IFT57: variants seen among roughly 807,000 people sequenced by gnomAD.
The protein encoded by IFT57 is intraflagellar transport 57.
A neutral mutation model predicts 56.8 loss-of-function variants in IFT57; 59 were observed. The observed-to-expected ratio is 1.04, with a 90% CI of 0.84 to 1.29. The LOEUF (loss-of-function observed/expected upper bound fraction) is 1.29. Ranked by LOEUF, IFT57 falls within the 50% of genes most tolerant of loss-of-function variation. The pLI is 0.00. For missense variants in IFT57, 470 were observed against 522.1 expected, an observed-to-expected ratio of 0.90 and a Z score of 0.97; for synonymous variants, 209 against 186.1, an observed-to-expected ratio of 1.12 and a Z score of -1.00.
At chr3:108,196,486 G>A (rs1233734702) in intron 5 of IFT57, among the ~76,000 whole-genome samples, 1 of 152,164 alleles carries the variant, frequency 6.6e-6, no homozygotes, top group African/African-American at 2.4e-5. Flanking sequence ...TAGAATCTGA[G>A]GCAGCAGGGT....
At chr3:108,217,631 A>C (rs1359976964) in intron 3 of IFT57, among the ~76,000 whole-genome samples, 1 of 151,904 alleles carries the variant, frequency 6.6e-6, no homozygotes, top group Non-Finnish European at 1.5e-5. Flanking sequence ...ATCTAAAAGA[A>C]TATAATTGAA....
At chr3:108,192,891 A>G (rs1296716665) in intron 5 of IFT57, among the ~76,000 whole-genome samples, 1 of 135,758 alleles carries the variant, frequency 7.4e-6, no homozygotes, top group Non-Finnish European at 1.6e-5. Context: ...ATATTTACAG[A>G]TGAATTGACA....
chr3:108,168,015 G>T, intron 6 of IFT57, 151 bp from the exon 7 acceptor site: 1 of 453,672 alleles, frequency 2.2e-6, no homozygotes. Context: ...AGATTATAAA[G>T]AAATATGTGT....
chr3:108,162,246 G>C lies in IFT57; in HGVS notation c.*231C>G. On this transcript the variant is annotated 3_prime_UTR_variant, in exon 11 of 11. Transcript: ENST00000264538. ...GCCACCAGGTGGGAGCTTTAACATA[G>C]GTAATGATTAGTGAAAGCTTCTTAG... 2.7e-6 allele frequency: 1 copy of C among 364,470 alleles called. No homozygotes were observed. Among genetic ancestry groups the C allele is most frequent in the Non-Finnish European group, 4.9e-6 (1 of 202,262 alleles). 22.6% of individuals were successfully genotyped at this position (364,470 alleles called of 1,614,324 possible).
At chr3:108,221,024 CAATT>C (rs1173011140) in intron 1 of IFT57, among the ~76,000 whole-genome samples, 1 of 152,172 alleles carries the variant, frequency 6.6e-6, no homozygotes, top group Admixed American at 6.5e-5. Context: ...TTATCCTGAT[CAATT>C]CACTTTAAGT....
intron 6 of IFT57, among the ~76,000 whole-genome samples, chr3:108,183,280 A>G (rs1011035110): frequency 3.9e-5 from 6 of 152,186 alleles, no homozygotes; most frequent in Non-Finnish European, 7.3e-5. Flanking sequence ...AAGTTGAGAC[A>G]CTAATTGTAC....
At chr3:108,180,557 C>CA (rs897058390) in intron 6 of IFT57, among the ~76,000 whole-genome samples, 9 of 151,808 alleles carry the variant, frequency 5.9e-5, no homozygotes, top group African/African-American at 1.7e-4. Context: ...CCTCCCAGCT[C>CA]AAAAAACTCT....
At chr3:108,202,363 C>T (rs2080283748) in intron 5 of IFT57, among the ~76,000 whole-genome samples, 2 of 152,310 alleles carry the variant, frequency 1.3e-5, no homozygotes, top group South Asian at 4.1e-4. Flanking sequence ...GACTAGCACA[C>T]CTTGCTACCA....
In IFT57 at chr3:108,219,422, C is replaced by T; in HGVS notation, c.363G>A (p.Glu121=). ...CGTTTACACTTACAAATGACCGAAG[C>T]TCGGATAGTATGTTAGATATTGTTG... ...PNATISNILS[E]LRSFGRTADF... The change falls in exon 2 of 11, where the codon GAG becomes GAA. Residue 121 remains glutamate (E), a synonymous_variant. Coordinates refer to ENST00000264538, the MANE Select transcript of IFT57 (RefSeq NM_018010.4). 2 of 1,613,468 alleles carry T rather than the reference C, an allele frequency of 1.2e-6. No homozygotes were observed. The highest frequency in any genetic ancestry group is 1.7e-6 in the Non-Finnish European group (2 of 1,179,532).
At chr3:108,185,336 A>G (rs2080175235) in intron 6 of IFT57, among the ~76,000 whole-genome samples, 1 of 152,094 alleles carries the variant, frequency 6.6e-6, no homozygotes, top group African/African-American at 2.4e-5. Flanking sequence ...ATAATTTTTG[A>G]AAGAGGTTTG....
At chr3:108,221,245 T>C (rs189653730) in intron 1 of IFT57, among the ~76,000 whole-genome samples, 236 of 152,342 alleles carry the variant, frequency 1.5e-3, no homozygotes, top group African/African-American at 5.1e-3. Context: ...TTAAGTACTA[T>C]AGATTCTTAA....
chr3:108,170,286 G>A (rs529767595), intron 6 of IFT57, among the ~76,000 whole-genome samples: 1 of 152,034 alleles, frequency 6.6e-6, no homozygotes, highest in East Asian at 1.9e-4. Context: ...AAGCTAATAA[G>A]CAACTTCAGC....
At chr3:108,178,720 A>G (rs143525096) in intron 6 of IFT57, among the ~76,000 whole-genome samples, 1 of 151,928 alleles carries the variant, frequency 6.6e-6, no homozygotes, top group Non-Finnish European at 1.5e-5. Context: ...AATGATTAAA[A>G]TAAAAAAGAT....
chr3:108,187,942 GTTTTTT>G, intron 6 of IFT57, among the ~76,000 whole-genome samples: 1 of 137,682 alleles, frequency 7.3e-6, no homozygotes, highest in Non-Finnish European at 1.6e-5. Context: ...AAAGGTTTTT[GTTTTTT>G]TTTTTTATAC....
intron 4 of IFT57, among the ~76,000 whole-genome samples, chr3:108,209,916 ATGTGTG>A (rs35248776): frequency 2.0e-5 from 3 of 149,824 alleles, no homozygotes; most frequent in African/African-American, 7.4e-5. Flanking sequence ...CTTTTTCTAT[ATGTGTG>A]TGTGTGTGTG....
intron 5 of IFT57, among the ~76,000 whole-genome samples, chr3:108,201,475 C>T (rs1405881179): frequency 6.6e-6 from 1 of 152,154 alleles, no homozygotes; most frequent in Non-Finnish European, 1.5e-5. Context: ...GGGTTAGTTA[C>T]CACAGAAATA....
chr3:108,162,698 G>GCCGGGCGCGGTGGCTCACGCC, intron 10 of IFT57, 43 bp from the exon 11 acceptor site: 1 of 1,452,452 alleles, frequency 6.9e-7, no homozygotes, highest in Non-Finnish European at 9.4e-7. Context: ...TTCATTTGGA[G>GCCGGGCGCGGTGGCTCACGCC]TATCAGTGTA....
intron 3 of IFT57, chr3:108,218,287 C>A (rs893670355): frequency 1.6e-5 from 4 of 250,544 alleles, no homozygotes; most frequent in East Asian, 7.4e-5. Context: ...CACAGTTAAA[C>A]CTTTAATAAT....
intron 6 of IFT57, among the ~76,000 whole-genome samples, chr3:108,183,953 C>T (rs1013179565): frequency 3.9e-5 from 6 of 152,086 alleles, no homozygotes; most frequent in Admixed American, 2.6e-4. Context: ...ATATTCAACT[C>T]AGCAACTTTC....
Sources: gnomAD v4.1 joint callset for allele counts (sites outside exome capture counted in the v4.1 genomes callset) on GRCh38, gnomAD v4.1.1 for gene constraint, MANE v1.5 for transcripts, NCBI Gene and HGNC (gene_info 2026-07-23, HGNC 2026-07-21) for gene names.